PCDHGB2: variants seen among roughly 807,000 people sequenced by gnomAD.
The protein encoded by PCDHGB2 is protocadherin gamma subfamily B, 2, also known as protocadherin gamma-B2.
Under a neutral mutation model 59.3 loss-of-function variants are expected in PCDHGB2, and 55 were observed. The ratio of observed to expected loss-of-function variants is 0.93; its 90% CI spans 0.75 to 1.16. The LOEUF (loss-of-function observed/expected upper bound fraction) is 1.16, where lower values mean the gene tolerates loss of function less well. PCDHGB2 is among the 50% of genes most tolerant of loss of function. The pLI is 0.00. For synonymous variants in PCDHGB2, 516 were observed against 512.0 expected, an observed-to-expected ratio of 1.01 and a Z score of -0.11; for missense variants, 1,228 against 1,198.5, an observed-to-expected ratio of 1.02 and a Z score of -0.36.
Position 141,375,615 on chromosome 5 carries a change from C to G in PCDHGB2, c.2421+13059C>G, listed in dbSNP as rs778578584. Reference sequence around the variant, plus strand: ...TCCTACGTGTCCATCAACTCCGACACTGGGATTCTGTACGCCCTGCGCTCC... The same window carrying G: ...TCCTACGTGTCCATCAACTCCGACAGTGGGATTCTGTACGCCCTGCGCTCC... On this transcript the variant is annotated intron_variant, in intron 1 of 3. Coordinates refer to ENST00000522605, the MANE Select transcript of PCDHGB2 (RefSeq NM_018923.3). The G allele has an allele frequency of 6.8e-6, 11 of 1,614,124 alleles. No homozygotes were observed. In the South Asian group the frequency reaches 1.2e-4, roughly 18 times the overall value.
At chr5:141,372,619 C>G (rs771812483) in intron 1 of PCDHGB2, 1 of 1,613,968 alleles carries the variant, frequency 6.2e-7, no homozygotes, top group Non-Finnish European at 8.5e-7. Context: ...GTTCTCCCCA[C>G]CTACAGCGAA....
chr5:141,479,466 C>G (rs1004384273), intron 1 of PCDHGB2: 1 of 152,224 alleles, frequency 6.6e-6, no homozygotes, highest in Non-Finnish European at 1.5e-5. Flanking sequence ...AATACAGTGA[C>G]CTCTTGGGAG....
chr5:141,392,622 A>ACTCACAT, intron 1 of PCDHGB2: 1 of 558,650 alleles, frequency 1.8e-6, no homozygotes, highest in Non-Finnish European at 3.0e-6. Context: ...AACCGAAAAC[A>ACTCACAT]CTCAGATCTC....
At chr5:141,376,589 C>A in intron 1 of PCDHGB2, 1 of 1,568,198 alleles carries the variant, frequency 6.4e-7, no homozygotes, top group South Asian at 1.2e-5. Context: ...TCAGCTAGAT[C>A]GGCTGTTATA....
intron 1 of PCDHGB2, among the ~76,000 whole-genome samples, chr5:141,452,529 G>A (rs758947494): frequency 1.3e-5 from 2 of 152,176 alleles, no homozygotes; most frequent in Non-Finnish European, 2.9e-5. Context: ...AAAATCGTGA[G>A]TTCATATTGA....
chr5:141,362,513 A>T lies in PCDHGB2; in HGVS notation c.2378A>T (p.His793Leu). The T allele has an allele frequency of 3.1e-6, 5 of 1,613,982 alleles. No homozygotes were observed. The highest frequency in any genetic ancestry group is 4.2e-6 in the Non-Finnish European group (5 of 1,179,884). The change falls in exon 1 of 4, where the codon CAT becomes CTT. Residue 793 changes from histidine (H) to leucine (L), a missense_variant. His to Leu is a moderately conservative substitution (Grantham distance 99, BLOSUM62 -3). Coordinates refer to ENST00000522605, the MANE Select transcript of PCDHGB2 (RefSeq NM_018923.3). ...GCCTCTTGGGAACAAAATACAAATCATGGAGCCGCTGGGGTCCCTTTTGCC... is the reference window on the plus strand; with the variant it reads ...GCCTCTTGGGAACAAAATACAAATCTTGGAGCCGCTGGGGTCCCTTTTGCC... ...DNASWEQNTN[H>L]GAAGVPFASD...
chr5:141,459,947 A>T (rs2098978538), intron 1 of PCDHGB2, among the ~76,000 whole-genome samples: 1 of 152,200 alleles, frequency 6.6e-6, no homozygotes, highest in African/African-American at 2.4e-5. Context: ...GCGTGATGGC[A>T]GGTGCCTGTA....
intron 1 of PCDHGB2, chr5:141,365,087 G>A (rs771010337): frequency 1.2e-6 from 2 of 1,613,854 alleles, no homozygotes; most frequent in Non-Finnish European, 1.7e-6. Context: ...GAGTGTTCCA[G>A]AGAACATACC....
At chr5:141,417,304 AG>A (rs1315238937) in intron 1 of PCDHGB2, 1 of 152,318 alleles carries the variant, frequency 6.6e-6, no homozygotes, top group East Asian at 1.9e-4. Context: ...CTCTGGATGG[AG>A]GAATTGGATA....
intron 1 of PCDHGB2, chr5:141,385,134 G>T (rs774973571): frequency 6.2e-7 from 1 of 1,614,188 alleles, no homozygotes; most frequent in East Asian, 2.2e-5. Flanking sequence ...GCATGGACGG[G>T]GTGCAGGCTT....
intron 1 of PCDHGB2, chr5:141,395,349 CAG>C: frequency 7.2e-7 from 1 of 1,382,548 alleles, no homozygotes; most frequent in South Asian, 1.5e-5. Flanking sequence ...AGGTGTATCA[CAG>C]AGTTTTGGGT....
chr5:141,374,277 G>A, intron 1 of PCDHGB2: 4 of 1,613,958 alleles, frequency 2.5e-6, no homozygotes, highest in Non-Finnish European at 3.4e-6. Context: ...CACGGAGTCC[G>A]CATCGTCTCC....
At chr5:141,433,128 C>T (rs773994964) in intron 1 of PCDHGB2, 3 of 1,614,158 alleles carry the variant, frequency 1.9e-6, no homozygotes, top group Non-Finnish European at 1.7e-6. Flanking sequence ...AAAAGCGAGC[C>T]CCTTTTGCTG....
At chr5:141,495,277 G>A (rs2099760037) in intron 2 of PCDHGB2, among the ~76,000 whole-genome samples, 1 of 152,168 alleles carries the variant, frequency 6.6e-6, no homozygotes, top group African/African-American at 2.4e-5. Context: ...ACCGGAGGAG[G>A]CGGTCCGCAC....
At chr5:141,505,574 C>T (rs1275802375) in intron 3 of PCDHGB2, 93 bp downstream of exon 3, 13 of 1,593,636 alleles carry the variant, frequency 8.2e-6, no homozygotes, top group Non-Finnish European at 1.1e-5. Context: ...GGATGTCAAA[C>T]CTGTGTAGTT....
At position 141,415,600 on chromosome 5, in the gene PCDHGB2, C is replaced by G. The variant is rs778987183; in HGVS notation, c.2421+53044C>G. ...TTCGAAGTTTCCTATAGAGGATACC[C>G]CATTGGTTCCAGTGAGTTTTATTTT... On this transcript the variant is annotated intron_variant, in intron 1 of 3. Coordinates refer to ENST00000522605, the MANE Select transcript of PCDHGB2 (RefSeq NM_018923.3). 24 of 1,613,588 alleles carry G rather than the reference C, an allele frequency of 1.5e-5. No individual in the cohort carries two copies. In the Middle Eastern group the frequency reaches 1.2e-3, roughly 77 times the overall value.
intron 1 of PCDHGB2, chr5:141,376,557 C>A: frequency 6.2e-7 from 1 of 1,609,994 alleles, no homozygotes; most frequent in Non-Finnish European, 8.5e-7. Flanking sequence ...CTTCCCGCAA[C>A]CCAACTAATC....
At chr5:141,382,462 TA>T (rs1346990551) in intron 1 of PCDHGB2, among the ~76,000 whole-genome samples, 1 of 152,240 alleles carries the variant, frequency 6.6e-6, no homozygotes, top group East Asian at 1.9e-4. Flanking sequence ...AGCAGTTTTT[TA>T]AAAATTATCT....
rs111842066 is a variant in PCDHGB2, at chr5:141,486,269, G to A, written c.2422-8538G>A. 6.2e-7 allele frequency: 1 copy of A among 1,613,996 alleles called. No homozygotes were observed. Reference sequence around the variant, plus strand: ...AACCCTCCCCGAGAGTGCAGAACCTGGCACTGTGGTGGCACTTATCAGTGT... The same window carrying A: ...AACCCTCCCCGAGAGTGCAGAACCTAGCACTGTGGTGGCACTTATCAGTGT... On this transcript the variant is annotated intron_variant, in intron 1 of 3. Transcript: ENST00000522605. This position sits in a 1 kb window ranked among gnomAD's most constrained non-coding sequence, Gnocchi z 5.0.
Sources: allele counts gnomAD v4.1 joint callset (sites outside exome capture counted in the v4.1 genomes callset), GRCh38; gene constraint gnomAD v4.1.1; non-coding constraint Gnocchi (gnomAD v3.1); transcripts MANE v1.5; gene names NCBI Gene and HGNC (gene_info 2026-07-23, HGNC 2026-07-21).